UTRN: variants seen among roughly 807,000 people sequenced by gnomAD.
UTRN encodes dystrophin-related protein 1.
A neutral mutation model predicts 463.9 loss-of-function variants in UTRN; 283 were observed. That is an observed-to-expected ratio of 0.61 (90% CI 0.55 to 0.67). The LOEUF is 0.67. Among genes scored for constraint, UTRN ranks in the 30% least tolerant of loss-of-function variants. UTRN has a pLI of 0.00. For missense variants in UTRN, 3,922 were observed against 4,084.3 expected (o/e 0.96, Z 1.08); for synonymous variants, 1,442 against 1,431.5 (o/e 1.01, Z -0.17).
chr6:144,795,951 C>G (rs1777175914), intron 63 of UTRN, among the ~76,000 whole-genome samples: 1 of 152,044 alleles, frequency 6.6e-6, no homozygotes, highest in East Asian at 1.9e-4. Context: ...CTTTTGTTGC[C>G]ATTGCTTTTG....
chr6:144,756,416 G>A (rs1470080325), intron 57 of UTRN, among the ~76,000 whole-genome samples: 2 of 152,094 alleles, frequency 1.3e-5, no homozygotes, highest in East Asian at 3.8e-4. Flanking sequence ...ACATGGCCTT[G>A]TATTATCTAA....
At chr6:144,509,283 T>C (rs533675139) in intron 34 of UTRN, among the ~76,000 whole-genome samples, 2 of 152,266 alleles carry the variant, frequency 1.3e-5, no homozygotes, top group South Asian at 4.1e-4. Context: ...TCTATTTTTA[T>C]TGCTATGTAA....
rs759588942 is a variant in UTRN, at chr6:144,438,783, T to C, written c.1280T>C (p.Leu427Pro). Residue 427 changes from leucine (L) to proline (P), a missense_variant, in exon 12 of 75, where the codon CTG becomes CCG. By Grantham distance (98) the Leu-to-Pro change is moderately conservative. This residue lies in a region of UTRN where 2,349 missense variants were observed against 2,303.8 expected (regional missense o/e 1.02). Transcript: ENST00000367545. ...DVLMELQKKQ[L>P]QQLSAWLTLT... ...CTGATGGAACTGCAGAAGAAGCAACTGCAGCAGCTCTCCGCCTGGTTAACA... is the reference window on the plus strand; with the variant it reads ...CTGATGGAACTGCAGAAGAAGCAACCGCAGCAGCTCTCCGCCTGGTTAACA... The C allele has an allele frequency of 3.7e-5, 60 of 1,614,084 alleles. No individual in the cohort carries two copies. The highest frequency in any genetic ancestry group is 4.5e-5 in the Non-Finnish European group (53 of 1,180,046).
In UTRN at chr6:144,516,804, A is replaced by C; in HGVS notation, c.5404-7A>C. On this transcript the variant is annotated splice_polypyrimidine_tract_variant and splice_region_variant and intron_variant, in intron 38 of 74. Coordinates refer to ENST00000367545, the MANE Select transcript of UTRN (RefSeq NM_007124.3). Reference sequence around the variant, plus strand: ...GAGTCATTTTTTTTTTCCTTTTAAAAATTTAGATGGATGAGGAGAGTGCCC... The same window carrying C: ...GAGTCATTTTTTTTTTCCTTTTAAACATTTAGATGGATGAGGAGAGTGCCC... The C allele has an allele frequency of 6.9e-7, 1 of 1,446,098 alleles. No homozygotes were observed. The highest frequency in any genetic ancestry group is 1.7e-5 in the South Asian group (1 of 59,896). 89.6% of individuals were successfully genotyped at this position (1,446,098 alleles called of 1,614,324 possible).
chr6:144,808,746 C>G (rs1226603229), intron 65 of UTRN, among the ~76,000 whole-genome samples: 3 of 151,866 alleles, frequency 2.0e-5, no homozygotes, highest in Non-Finnish European at 4.4e-5. Context: ...TTTAAAGGTC[C>G]CACATATAAG....
intron 24 of UTRN, 27 bp from the exon 25 acceptor site, chr6:144,474,577 C>G: frequency 6.3e-7 from 1 of 1,596,930 alleles, no homozygotes; most frequent in Non-Finnish European, 8.5e-7. Flanking sequence ...TAGTAATGAA[C>G]TCAACATGCA....
chr6:144,846,841 G>T lies in UTRN; in HGVS notation c.10293+14G>T, dbSNP rs996089085. On this transcript the variant is annotated intron_variant, in intron 74 of 74. Transcript: ENST00000367545. ...AGCAGGCCACAGGTAAGAGTTAATG[G>T]CTTGGTTGGCTCTATGTTACTGATC... is the stretch of plus-strand genomic sequence containing the variant. 1.2e-6 allele frequency: 2 copies of T among 1,613,854 alleles called. No individual in the cohort carries two copies. Among genetic ancestry groups the T allele is most frequent in the African/African-American group, 2.7e-5 (2 of 74,922 alleles).
chr6:144,705,226 G>T (rs1784972251), intron 53 of UTRN, among the ~76,000 whole-genome samples: 1 of 152,100 alleles, frequency 6.6e-6, no homozygotes, highest in African/African-American at 2.4e-5. Flanking sequence ...ACTGGTAGTA[G>T]AAAAGGCACT....
intron 3 of UTRN, among the ~76,000 whole-genome samples, chr6:144,405,283 T>C (rs1320620111): frequency 1.3e-5 from 2 of 152,014 alleles, no homozygotes; most frequent in Non-Finnish European, 2.9e-5. Context: ...GCAGTGACAC[T>C]AAACATCCAC....
intron 6 of UTRN, 65 bp from the exon 7 acceptor site, chr6:144,426,222 T>A: frequency 1.3e-6 from 2 of 1,524,926 alleles, no homozygotes; most frequent in Non-Finnish European, 1.8e-6. Context: ...AAGGACTTCA[T>A]TGAAGTAAGT....
chr6:144,802,351 A>G (rs1777770465), intron 64 of UTRN, among the ~76,000 whole-genome samples: 1 of 152,118 alleles, frequency 6.6e-6, no homozygotes, highest in Non-Finnish European at 1.5e-5. Flanking sequence ...CAACTTTTAA[A>G]TTTTGCTTCC....
chr6:144,661,247 A>T (rs1450849435), intron 51 of UTRN, among the ~76,000 whole-genome samples: 2 of 152,228 alleles, frequency 1.3e-5, no homozygotes, highest in East Asian at 3.8e-4. Context: ...CACAATTGCC[A>T]GAGGGAAAAG....
At chr6:144,599,152 A>C (rs1255449015) in intron 51 of UTRN, among the ~76,000 whole-genome samples, 4 of 152,198 alleles carry the variant, frequency 2.6e-5, no homozygotes, top group Non-Finnish European at 2.9e-5. Context: ...TTTCTTTACT[A>C]ATAAAGGACA....
chr6:144,704,390 T>A (rs1465733532), intron 53 of UTRN, among the ~76,000 whole-genome samples: 1 of 152,222 alleles, frequency 6.6e-6, no homozygotes, highest in Non-Finnish European at 1.5e-5. Flanking sequence ...TTCTGCTAAA[T>A]TAGTACTCGG....
chr6:144,491,155 G>A, intron 32 of UTRN, 53 bp downstream of exon 32: 1 of 1,541,102 alleles, frequency 6.5e-7, no homozygotes, highest in Non-Finnish European at 8.7e-7. Flanking sequence ...CAGCTGTTAT[G>A]GCTTGGTCTA....
intron 51 of UTRN, among the ~76,000 whole-genome samples, chr6:144,673,563 G>A (rs1781272548): frequency 1.3e-5 from 2 of 152,088 alleles, no homozygotes; most frequent in Admixed American, 1.3e-4. Context: ...CTTGAAGACA[G>A]CAGATACTTG....
chr6:144,547,789 T>G (rs934491201), intron 46 of UTRN, among the ~76,000 whole-genome samples: 1 of 152,216 alleles, frequency 6.6e-6, no homozygotes, highest in Non-Finnish European at 1.5e-5. Flanking sequence ...ATAATTTGAC[T>G]GTTTTTTGTC....
At chr6:144,805,209 A>G (rs1778040586) in intron 65 of UTRN, among the ~76,000 whole-genome samples, 1 of 152,130 alleles carries the variant, frequency 6.6e-6, no homozygotes, top group South Asian at 2.1e-4. Context: ...CAGCTCTGAT[A>G]GTGTATCAGA....
At chr6:144,376,973 G>A (rs557448484) in intron 2 of UTRN, among the ~76,000 whole-genome samples, 20 of 152,220 alleles carry the variant, frequency 1.3e-4, no homozygotes, top group Non-Finnish European at 2.6e-4. Context: ...TAAATGGAGT[G>A]ACCAAAGCTA....
Sources: allele counts gnomAD v4.1 joint callset (sites outside exome capture counted in the v4.1 genomes callset), GRCh38; gene constraint gnomAD v4.1.1; regional missense constraint gnomAD v4.1.1; transcripts MANE v1.5; gene names NCBI Gene and HGNC (gene_info 2026-07-23, HGNC 2026-07-21).